Variants in CRB1 observed in about 807,000 individuals in gnomAD.
The protein encoded by CRB1 is crumbs cell polarity complex component 1.
Under a neutral mutation model 120.0 loss-of-function variants are expected in CRB1, and 83 were observed. That is an observed-to-expected ratio of 0.69 (90% CI 0.58 to 0.83). The LOEUF is 0.83. CRB1 is among the 40% of genes least tolerant of loss of function. CRB1 has a pLI of 0.00. For missense variants in CRB1, 1,699 were observed against 1,687.6 expected (o/e 1.01, Z -0.12); for synonymous variants, 625 against 612.5 (o/e 1.02, Z -0.30).
At chr1:197,449,305 T>C (rs148292806) in intron 11 of CRB1, among the ~76,000 whole-genome samples, 516 of 152,286 alleles carry the variant, frequency 3.4e-3, no homozygotes, top group Non-Finnish European at 5.9e-3. Flanking sequence ...TTGTAGCTTA[T>C]ACAATGCAGA....
At chr1:197,388,000 CTATA>C (rs919936121) in intron 5 of CRB1, among the ~76,000 whole-genome samples, 14 of 150,948 alleles carry the variant, frequency 9.3e-5, no homozygotes, top group African/African-American at 2.2e-4. Flanking sequence ...CTCTCTCTCT[CTATA>C]TATATATATA....
chr1:197,359,882 C>T (rs1660685057), intron 5 of CRB1, among the ~76,000 whole-genome samples: 1 of 152,088 alleles, frequency 6.6e-6, no homozygotes, highest in Non-Finnish European at 1.5e-5. Flanking sequence ...GCTTGTTTGA[C>T]ATCTGTTTGT....
At chr1:197,377,376 A>C (rs1228783933) in intron 5 of CRB1, among the ~76,000 whole-genome samples, 1 of 152,224 alleles carries the variant, frequency 6.6e-6, no homozygotes, top group Non-Finnish European at 1.5e-5. Context: ...CAAAATGCTG[A>C]AATCAATCAG....
At chr1:197,370,317 A>T (rs1020969420) in intron 5 of CRB1, among the ~76,000 whole-genome samples, 3 of 152,160 alleles carry the variant, frequency 2.0e-5, no homozygotes, top group African/African-American at 7.2e-5. Context: ...CTATACTCTA[A>T]AACAAATGGA....
At position 197,427,675 on chromosome 1, in the gene CRB1, G is replaced by A. The variant is rs758184564; in HGVS notation, c.2350G>A (p.Val784Ile). Residue 784 changes from valine (V) to isoleucine (I), a missense_variant, in exon 7 of 12, where the codon GTA becomes ATA. Val to Ile is a conservative substitution (Grantham distance 29, BLOSUM62 3). Transcript: ENST00000367400. Reference sequence around the variant, plus strand: ...GACTCCAAACTCTCCCAAATTAGTAGTAAAATTTGTTCTTAATGATGGAAA... The same window carrying A: ...GACTCCAAACTCTCCCAAATTAGTAATAAAATTTGTTCTTAATGATGGAAA... ...MLTPNSPKLV[V>I]KFVLNDGNVH... 1.2e-6 allele frequency: 2 copies of A among 1,613,860 alleles called. No individual in the cohort carries two copies. Among genetic ancestry groups the A allele is most frequent in the South Asian group, 1.1e-5 (1 of 91,084 alleles).
intron 4 of CRB1, among the ~76,000 whole-genome samples, chr1:197,355,043 G>C (rs1295889335): frequency 2.0e-5 from 3 of 151,760 alleles, no homozygotes; most frequent in Non-Finnish European, 4.4e-5. Context: ...AGTCCCACTA[G>C]ATTAGCTAGA....
intron 3 of CRB1, among the ~76,000 whole-genome samples, chr1:197,346,521 G>A (rs141687741): frequency 1.3e-5 from 2 of 152,234 alleles, no homozygotes; most frequent in African/African-American, 4.8e-5. Flanking sequence ...ATTTGGTTTG[G>A]TGATAAAAAC....
At chr1:197,434,608 C>T in intron 8 of CRB1, 98 bp from the exon 9 acceptor site, 1 of 1,078,796 alleles carries the variant, frequency 9.3e-7, no homozygotes, top group South Asian at 1.3e-5. Context: ...AGTCAATATG[C>T]AATGTTATTA....
At chr1:197,380,576 A>G (rs543078123) in intron 5 of CRB1, among the ~76,000 whole-genome samples, 1 of 152,332 alleles carries the variant, frequency 6.6e-6, no homozygotes, top group South Asian at 2.1e-4. Flanking sequence ...TCCAAATAAG[A>G]TAATCCAATT....
intron 1 of CRB1, among the ~76,000 whole-genome samples, chr1:197,303,580 G>A (rs1403994859): frequency 6.6e-6 from 1 of 151,130 alleles, no homozygotes; most frequent in Non-Finnish European, 1.5e-5. Flanking sequence ...TCTATTAAGT[G>A]TCAAGTCATC....
At chr1:197,268,164 G>A, upstream of CRB1, 1 of 468,872 alleles carries the variant, frequency 2.1e-6, no homozygotes, top group Non-Finnish European at 3.9e-6. Flanking sequence ...ATCCAATCCA[G>A]CCTGAAAAAA....
At chr1:197,310,118 T>C (rs1445385606) in intron 1 of CRB1, among the ~76,000 whole-genome samples, 1 of 152,182 alleles carries the variant, frequency 6.6e-6, no homozygotes, top group Non-Finnish European at 1.5e-5. Context: ...AATTTCTCTA[T>C]GCACAGAGTT....
intron 1 of CRB1, among the ~76,000 whole-genome samples, chr1:197,317,374 C>A (rs764449777): frequency 1.3e-5 from 2 of 152,066 alleles, no homozygotes; most frequent in African/African-American, 4.8e-5. Context: ...ACCGAGATCA[C>A]GCCTTTGCAC....
intron 11 of CRB1, among the ~76,000 whole-genome samples, chr1:197,449,338 G>A (rs1256070053): frequency 1.3e-5 from 2 of 151,910 alleles, no homozygotes; most frequent in African/African-American, 4.8e-5. Flanking sequence ...ATTCTTTTAT[G>A]TTTTTCAGAA....
At chr1:197,467,306 A>G (rs1048847911) in intron 11 of CRB1, among the ~76,000 whole-genome samples, 7 of 152,098 alleles carry the variant, frequency 4.6e-5, no homozygotes, top group South Asian at 2.1e-4. Context: ...CCTTTGCTTT[A>G]TCTCTGTCCA....
At position 197,397,228 on chromosome 1, in the gene CRB1, C is replaced by A. The variant is rs192399843; in HGVS notation, c.1172-23772C>A. 1.2e-4 allele frequency among the ~76,000 whole-genome samples: 19 copies of A among 152,112 alleles called. 1 individual carries two copies. In the East Asian group the frequency reaches 2.7e-3, roughly 22 times the overall value. ...TGAAACCACATGAGATATCACTATG[C>A]AACTATTAACTATTTTATATACATG... On this transcript the variant is annotated intron_variant, in intron 5 of 11. Transcript: ENST00000367400.
chr1:197,380,337 T>C (rs1357456131), intron 5 of CRB1, among the ~76,000 whole-genome samples: 2 of 152,198 alleles, frequency 1.3e-5, no homozygotes, highest in African/African-American at 4.8e-5. Context: ...ATTTTGCCTG[T>C]CTCAAATGCC....
At chr1:197,463,483 A>G (rs1666619129) in intron 11 of CRB1, among the ~76,000 whole-genome samples, 1 of 152,200 alleles carries the variant, frequency 6.6e-6, no homozygotes, top group Non-Finnish European at 1.5e-5. Context: ...CTCTTCTTTC[A>G]GTCTGCAGAT....
the CRB1 span, among the ~76,000 whole-genome samples, chr1:197,243,142 AT>A: frequency 1.3e-5 from 2 of 151,268 alleles, no homozygotes. Flanking sequence ...GGATTCATTG[AT>A]TTTTTTGAAG....
Sources: allele counts gnomAD v4.1 joint callset (sites outside exome capture counted in the v4.1 genomes callset), GRCh38; gene constraint gnomAD v4.1.1; transcripts MANE v1.5; gene names NCBI Gene and HGNC (gene_info 2026-07-23, HGNC 2026-07-21).